Variants in MPP7 observed in about 807,000 individuals in gnomAD.
The protein encoded by MPP7 is MAGUK p55 subfamily member 7.
Under a neutral mutation model 76.5 loss-of-function variants are expected in MPP7, and 60 were observed. The ratio of observed to expected loss-of-function variants is 0.78; its 90% CI spans 0.64 to 0.97. The LOEUF is 0.97. Among genes scored for constraint, MPP7 ranks in the 50% least tolerant of loss-of-function variants. The pLI is 0.00. For missense variants in MPP7, 641 were observed against 694.0 expected, an observed-to-expected ratio of 0.92 and a Z score of 0.86; for synonymous variants, 237 against 244.5, an observed-to-expected ratio of 0.97 and a Z score of 0.29.
intron 11 of MPP7, among the ~76,000 whole-genome samples, chr10:28,111,037 C>A (rs981633603): frequency 2.0e-5 from 3 of 152,172 alleles, no homozygotes; most frequent in African/African-American, 7.2e-5. Flanking sequence ...TTGTTATATT[C>A]AATTTAATCC....
intron 2 of MPP7, among the ~76,000 whole-genome samples, chr10:28,323,166 T>C (rs922449321): frequency 2.7e-4 from 41 of 152,018 alleles, no homozygotes; most frequent in Non-Finnish European, 3.7e-4. Context: ...GCGCCTGTAG[T>C]CCCAGCTACT....
intron 16 of MPP7, among the ~76,000 whole-genome samples, chr10:28,054,550 T>C (rs895047947): frequency 3.9e-5 from 6 of 152,220 alleles, no homozygotes; most frequent in South Asian, 2.1e-4. Context: ...TTAAAATAGC[T>C]ATTGGAGAAA....
At chr10:28,203,078 A>C (rs1837833791) in intron 2 of MPP7, 1 of 152,128 alleles carries the variant, frequency 6.6e-6, no homozygotes, top group Non-Finnish European at 1.5e-5. Flanking sequence ...CTCTTTAGGG[A>C]GGTGACCTGG....
intron 2 of MPP7, among the ~76,000 whole-genome samples, chr10:28,203,835 T>C (rs1837860725): frequency 6.6e-6 from 1 of 152,164 alleles, no homozygotes; most frequent in South Asian, 2.1e-4. Flanking sequence ...TACAGTTTAA[T>C]TAAGGAGACT....
chr10:28,244,384 G>A (rs533719834), intron 1 of MPP7, among the ~76,000 whole-genome samples: 1 of 152,138 alleles, frequency 6.6e-6, no homozygotes, highest in South Asian at 2.1e-4. Flanking sequence ...GCTATCTCAA[G>A]TATCTCAGAC....
At chr10:28,323,491 A>C (rs1834385330) in intron 2 of MPP7, among the ~76,000 whole-genome samples, 1 of 151,760 alleles carries the variant, frequency 6.6e-6, no homozygotes, top group Non-Finnish European at 1.5e-5. Context: ...CCCAGCCAAA[A>C]CCGGGCTTTG....
intron 10 of MPP7, 79 bp downstream of exon 10, chr10:28,120,115 A>C: frequency 7.1e-7 from 1 of 1,412,210 alleles, no homozygotes; most frequent in Non-Finnish European, 9.6e-7. Context: ...ATATTTTATC[A>C]CATCAATGCC....
chr10:28,089,592 C>G, intron 12 of MPP7, 79 bp downstream of exon 12: 7 of 1,348,750 alleles, frequency 5.2e-6, no homozygotes, highest in Non-Finnish European at 7.1e-6. Flanking sequence ...TTGAAAACTT[C>G]AAGTATGATT....
intron 3 of MPP7, among the ~76,000 whole-genome samples, chr10:28,178,092 G>A (rs1460411705): frequency 7.2e-5 from 11 of 152,030 alleles, no homozygotes; most frequent in Admixed American, 7.2e-4. Flanking sequence ...TTAAGTTCTG[G>A]CACTACTGAC....
intron 3 of MPP7, among the ~76,000 whole-genome samples, chr10:28,187,095 T>C (rs952739365): frequency 1.3e-5 from 2 of 152,178 alleles, no homozygotes; most frequent in Admixed American, 6.5e-5. Context: ...TATAAGACGG[T>C]TGTTCTGAAA....
chr10:28,270,532 A>AAAGGGGGGGGGGGGGGGG (rs1304530937), intron 1 of MPP7, among the ~76,000 whole-genome samples: 1 of 15,514 alleles, frequency 6.4e-5, no homozygotes, highest in Admixed American at 8.1e-4. Flanking sequence ...AAAAAAAAAA[A>AAAGGGGGGGGGGGGGGGG]GGGGGGGGGG....
At chr10:28,258,382 TTATATA>T (rs59151395) in intron 1 of MPP7, among the ~76,000 whole-genome samples, 8,165 of 141,222 alleles carry the variant, frequency 0.058, 518 homozygotes, top group African/African-American at 0.15. Context: ...ATATTAAATA[TTATATA>T]TATATATATA....
intron 1 of MPP7, among the ~76,000 whole-genome samples, chr10:28,283,242 C>G (rs1840721386): frequency 6.6e-6 from 1 of 152,044 alleles, no homozygotes. Context: ...TTCTTACACA[C>G]TGGTCTCTGA....
At chr10:28,176,565 C>T (rs1398717821) in intron 3 of MPP7, among the ~76,000 whole-genome samples, 1 of 151,904 alleles carries the variant, frequency 6.6e-6, no homozygotes, top group African/African-American at 2.4e-5. Flanking sequence ...AAACCCATCT[C>T]TATTAAAAAT....
chr10:28,078,855 CAA>C (rs1328746279), intron 12 of MPP7, among the ~76,000 whole-genome samples: 1 of 152,034 alleles, frequency 6.6e-6, no homozygotes, highest in East Asian at 1.9e-4. Context: ...TCATTTTAAC[CAA>C]AGTTACGTAG....
intron 2 of MPP7, among the ~76,000 whole-genome samples, chr10:28,320,845 TCCTC>T (rs1834363530): frequency 6.7e-6 from 1 of 149,170 alleles, no homozygotes; most frequent in Non-Finnish European, 1.5e-5. Flanking sequence ...TTTTTTTTGT[TCCTC>T]TGCAGTGGTT....
At chr10:28,136,081 T>C (rs890164904) in intron 5 of MPP7, among the ~76,000 whole-genome samples, 9 of 151,842 alleles carry the variant, frequency 5.9e-5, no homozygotes, top group African/African-American at 2.2e-4. Context: ...TATGCGAGGA[T>C]CTAGGTTGCA....
intron 2 of MPP7, among the ~76,000 whole-genome samples, chr10:28,309,922 G>A (rs1164848957): frequency 2.6e-5 from 4 of 151,832 alleles, no homozygotes; most frequent in Non-Finnish European, 4.4e-5. Flanking sequence ...AAAAGCTCCC[G>A]GAGGCCGCCC....
At chr10:28,195,396 C>T (rs539087510) in intron 3 of MPP7, among the ~76,000 whole-genome samples, 1 of 152,108 alleles carries the variant, frequency 6.6e-6, no homozygotes, top group Non-Finnish European at 1.5e-5. Context: ...AGATACATAC[C>T]CAGGAGAAGT....
Sources: gnomAD v4.1 joint callset for allele counts (sites outside exome capture counted in the v4.1 genomes callset) on GRCh38, gnomAD v4.1.1 for gene constraint, MANE v1.5 for transcripts, NCBI Gene and HGNC (gene_info 2026-07-23, HGNC 2026-07-21) for gene names.